IL23R: variants seen among roughly 807,000 people sequenced by gnomAD.
The protein encoded by IL23R is interleukin-23 receptor.
Under a neutral mutation model 56.9 loss-of-function variants are expected in IL23R, and 34 were observed. That is an observed-to-expected ratio of 0.60 (90% CI 0.45 to 0.80). The LOEUF (loss-of-function observed/expected upper bound fraction) is 0.80, where lower values mean the gene tolerates loss of function less well. IL23R is among the 30% of genes least tolerant of loss of function. The pLI, the probability that IL23R is intolerant of heterozygous loss-of-function variation, is 0.00. For missense variants in IL23R, 635 were observed against 730.0 expected (o/e 0.87, Z 1.50); for synonymous variants, 230 against 249.2 (o/e 0.92, Z 0.73).
intron 9 of IL23R, among the ~76,000 whole-genome samples, chr1:67,250,280 T>C (rs1275443202): frequency 6.6e-6 from 1 of 152,200 alleles, no homozygotes; most frequent in African/African-American, 2.4e-5. Flanking sequence ...ATGCAGACCA[T>C]CTATGACATG....
intron 3 of IL23R, among the ~76,000 whole-genome samples, chr1:67,181,060 C>G (rs1647134183): frequency 6.6e-6 from 1 of 152,100 alleles, no homozygotes; most frequent in Non-Finnish European, 1.5e-5. Context: ...ACATTTTTTC[C>G]TTCATTTCAA....
intron 10 of IL23R, among the ~76,000 whole-genome samples, chr1:67,257,583 A>T (rs1653019573): frequency 6.6e-6 from 1 of 152,232 alleles, no homozygotes; most frequent in South Asian, 2.1e-4. Context: ...CAGGAAGGCC[A>T]GCCATCTGTT....
rs554401924 is a variant in IL23R, at chr1:67,240,087, C to T, written c.1046-92C>T. The T allele has an allele frequency of 2.6e-4, 246 of 929,874 alleles. 5 individuals are homozygous for T. The South Asian group carries it at 2.6e-3, about 10-fold the overall frequency. The allele number at this position is 929,874 out of a possible 1,614,324, so 57.6% of individuals were successfully genotyped here. On this transcript the variant is annotated intron_variant, in intron 8 of 10. Coordinates refer to ENST00000347310, the MANE Select transcript of IL23R (RefSeq NM_144701.3). ...TCCCCCCACCCTTTCTCCTTTGAGA[C>T]CTTTGCTTTGAGCAGAGTAAAGAGA...
chr1:67,201,189 G>A (rs894602751), intron 5 of IL23R, among the ~76,000 whole-genome samples: 1 of 151,996 alleles, frequency 6.6e-6, no homozygotes, highest in Non-Finnish European at 1.5e-5. Flanking sequence ...GATCACTTGA[G>A]GTCAGGATTT....
chr1:67,156,295 C>T (rs1646769547), intron 1 of IL23R, among the ~76,000 whole-genome samples: 1 of 152,214 alleles, frequency 6.6e-6, no homozygotes, highest in Non-Finnish European at 1.5e-5. Flanking sequence ...AGGAGGCAGT[C>T]TGTCCCTCAG....
intron 4 of IL23R, among the ~76,000 whole-genome samples, chr1:67,184,790 C>CT (rs1647236662): frequency 6.6e-6 from 1 of 152,038 alleles, no homozygotes; most frequent in South Asian, 2.1e-4. Context: ...ATGTGAAGCC[C>CT]TGGGATCATA....
chr1:67,259,167 C>T lies in IL23R; in HGVS notation c.*39C>T. 6.2e-7 allele frequency: 1 copy of T among 1,602,534 alleles called. No individual in the cohort carries two copies. ...AAATCAATATGAGAAAGCTGCCTTG[C>T]AATCTGAACTTGGGTTTTCCCTGCA... On this transcript the variant is annotated 3_prime_UTR_variant, in exon 11 of 11. Transcript: ENST00000347310.
chr1:67,237,817 G>A (rs1330399058), intron 8 of IL23R, among the ~76,000 whole-genome samples: 1 of 152,142 alleles, frequency 6.6e-6, no homozygotes, highest in East Asian at 1.9e-4. Flanking sequence ...GTAGAAATCA[G>A]GCAGGAATAG....
chr1:67,208,656 A>G (rs1203554165), intron 6 of IL23R, among the ~76,000 whole-genome samples: 1 of 152,184 alleles, frequency 6.6e-6, no homozygotes, highest in East Asian at 1.9e-4. Flanking sequence ...ATTTCAGAAG[A>G]TGTATGGAAA....
intron 1 of IL23R, 98 bp from the exon 2 acceptor site, chr1:67,167,994 T>C (rs1646894162): frequency 1.4e-6 from 1 of 707,052 alleles, no homozygotes; most frequent in Non-Finnish European, 2.5e-6. Flanking sequence ...TAATCAAAGG[T>C]TCCCATCAAA....
At position 67,236,710 on chromosome 1, in the gene IL23R, A is replaced by G; in HGVS notation, c.956-3A>G. The G allele has an allele frequency of 6.2e-7, 1 of 1,607,576 alleles. No individual in the cohort carries two copies. Among genetic ancestry groups the G allele is most frequent in the Non-Finnish European group, 8.5e-7 (1 of 1,174,094 alleles). Reference sequence around the variant, plus strand: ...AACTGACACTCTTTCCTTTTGGTTTAAGTTCCCCAGGTCACATCAAAAGCA... The same window carrying G: ...AACTGACACTCTTTCCTTTTGGTTTGAGTTCCCCAGGTCACATCAAAAGCA... On this transcript the variant is annotated splice_polypyrimidine_tract_variant and splice_region_variant and intron_variant, in intron 7 of 10. Transcript: ENST00000347310.
rs555651648 is a variant in IL23R, at chr1:67,208,275, G to T, written c.798+1220G>T. Among the ~76,000 whole-genome samples the T allele has an allele frequency of 1.1e-3, 171 of 152,288 alleles. 4 individuals are homozygous for T. In the South Asian group the frequency reaches 0.029, roughly 26 times the overall value. ...CAATAGAAAAGAAAAACCCATTCTGGGGGGGAGAAATTCAAGCCAGCTGCA... is the reference window on the plus strand; with the variant it reads ...CAATAGAAAAGAAAAACCCATTCTGTGGGGGAGAAATTCAAGCCAGCTGCA... On this transcript the variant is annotated intron_variant, in intron 6 of 10. Coordinates refer to ENST00000347310, the MANE Select transcript of IL23R (RefSeq NM_144701.3).
chr1:67,207,591 C>T (rs1649166075), intron 6 of IL23R: 1 of 375,592 alleles, frequency 2.7e-6, no homozygotes, highest in South Asian at 2.2e-5. Flanking sequence ...ATGCGTTTAT[C>T]AGAGGTTTCC....
intron 9 of IL23R, among the ~76,000 whole-genome samples, chr1:67,244,969 G>T (rs1205712817): frequency 6.6e-6 from 1 of 152,108 alleles, no homozygotes; most frequent in African/African-American, 2.4e-5. Flanking sequence ...CCATTTGTTT[G>T]TGTCCTCTCT....
chr1:67,182,366 C>T (rs1319643604), intron 3 of IL23R, among the ~76,000 whole-genome samples: 1 of 152,196 alleles, frequency 6.6e-6, no homozygotes, highest in Non-Finnish European at 1.5e-5. Flanking sequence ...TCGCTGCCAC[C>T]TTGCAGTTTG....
intron 6 of IL23R, among the ~76,000 whole-genome samples, chr1:67,212,497 G>A (rs909162206): frequency 6.6e-6 from 1 of 151,986 alleles, no homozygotes; most frequent in African/African-American, 2.4e-5. Flanking sequence ...AAGAGCACAG[G>A]CTCTAGAGTT....
chr1:67,170,105 A>G (rs773244207), intron 3 of IL23R, among the ~76,000 whole-genome samples: 4 of 152,176 alleles, frequency 2.6e-5, no homozygotes, highest in Non-Finnish European at 5.9e-5. Context: ...TTTGAGGCCA[A>G]GGTTTAGGGA....
chr1:67,192,354 TG>T (rs1181078706), intron 4 of IL23R, among the ~76,000 whole-genome samples: 6 of 152,220 alleles, frequency 3.9e-5, no homozygotes, highest in Non-Finnish European at 4.4e-5. Context: ...CATGTAAGCA[TG>T]GGCCTCTTCT....
chr1:67,173,505 A>C (rs1466331614), intron 3 of IL23R, among the ~76,000 whole-genome samples: 1 of 152,202 alleles, frequency 6.6e-6, no homozygotes, highest in East Asian at 1.9e-4. Context: ...AAAATGATTT[A>C]AATTTATGTT....
Sources: gnomAD v4.1 joint callset for allele counts (sites outside exome capture counted in the v4.1 genomes callset) on GRCh38, gnomAD v4.1.1 for gene constraint, MANE v1.5 for transcripts, NCBI Gene and HGNC (gene_info 2026-07-23, HGNC 2026-07-21) for gene names.